PRKCE: variants seen among roughly 807,000 people sequenced by gnomAD.
PRKCE encodes the protein protein kinase C epsilon type.
In PRKCE, 16 loss-of-function variants were observed where a neutral mutation model predicts 85.4. The observed-to-expected ratio is 0.19, with a 90% CI of 0.13 to 0.28. The LOEUF (loss-of-function observed/expected upper bound fraction) is 0.28. Ranked by LOEUF, PRKCE falls within the 10% of genes least tolerant of loss-of-function variation. PRKCE has a pLI of 1.00. For missense variants in PRKCE, 573 were observed against 975.2 expected, an observed-to-expected ratio of 0.59 and a Z score of 5.49; for synonymous variants, 388 against 371.5, an observed-to-expected ratio of 1.04 and a Z score of -0.51.
intron 6 of PRKCE, among the ~76,000 whole-genome samples, chr2:45,988,459 A>C (rs1175061497): frequency 6.6e-6 from 1 of 152,126 alleles, no homozygotes; most frequent in Non-Finnish European, 1.5e-5. Flanking sequence ...TGACAAGGAA[A>C]TGGAAATCTG....
intron 1 of PRKCE, among the ~76,000 whole-genome samples, chr2:45,815,660 C>G (rs1688985337): frequency 6.6e-6 from 1 of 152,198 alleles, no homozygotes; most frequent in Non-Finnish European, 1.5e-5. Flanking sequence ...AGACTCCATG[C>G]AGGGAGATGT....
chr2:45,872,772 T>G (rs1694191785), intron 2 of PRKCE, among the ~76,000 whole-genome samples: 1 of 152,162 alleles, frequency 6.6e-6, no homozygotes, highest in Non-Finnish European at 1.5e-5. Flanking sequence ...CTCAAGGGGC[T>G]GGGGCCATTT....
chr2:46,067,888 G>A (rs971948958), intron 10 of PRKCE, among the ~76,000 whole-genome samples: 8 of 152,088 alleles, frequency 5.3e-5, no homozygotes, highest in South Asian at 2.1e-4. Flanking sequence ...CTGGAATGCC[G>A]GTATTCCAGG....
intron 2 of PRKCE, among the ~76,000 whole-genome samples, chr2:45,924,038 G>C (rs1573896500): frequency 6.6e-6 from 1 of 152,118 alleles, no homozygotes; most frequent in East Asian, 1.9e-4. Flanking sequence ...GATATTGAGA[G>C]GTGGAGAGGA....
chr2:45,719,116 G>T (rs1435789116), intron 1 of PRKCE, among the ~76,000 whole-genome samples: 1 of 152,240 alleles, frequency 6.6e-6, no homozygotes, highest in African/African-American at 2.4e-5. Flanking sequence ...AAGGCTCGAG[G>T]CATCTATCCT....
At chr2:46,181,229 T>C (rs1006693438) in intron 14 of PRKCE, among the ~76,000 whole-genome samples, 2 of 152,196 alleles carry the variant, frequency 1.3e-5, no homozygotes, top group Non-Finnish European at 2.9e-5. Flanking sequence ...ATACCATTAA[T>C]AGGGGATGGG....
intron 1 of PRKCE, among the ~76,000 whole-genome samples, chr2:45,689,721 C>T (rs1677578167): frequency 6.6e-6 from 1 of 151,800 alleles, no homozygotes; most frequent in Admixed American, 6.6e-5. Flanking sequence ...CATGGTAAAA[C>T]CCTGTCTCTA....
In PRKCE at chr2:46,123,607, A is replaced by G. The variant is rs377073774; in HGVS notation, c.1593-21486A>G. On this transcript the variant is annotated intron_variant, in intron 11 of 14. Transcript: ENST00000306156. The stretch of plus-strand genomic sequence containing the variant: ...AGGTTCAAGCAATTCTCATGCCCCA[A>G]CCTCCCAGGTAACTGGAACTACAGG... Among the ~76,000 whole-genome samples, 5 of 152,142 alleles carry G rather than the reference A, an allele frequency of 3.3e-5. 1 individual carries two copies. Among genetic ancestry groups the G allele is most frequent in the African/African-American group, 1.2e-4 (5 of 41,520 alleles).
chr2:45,843,206 A>G, intron 2 of PRKCE, 143 bp downstream of exon 2: 1 of 775,014 alleles, frequency 1.3e-6, no homozygotes, highest in Non-Finnish European at 2.1e-6. Flanking sequence ...TATTTTGAAG[A>G]TGCTTACGCC....
At chr2:45,969,402 G>A (rs1701955464) in intron 2 of PRKCE, among the ~76,000 whole-genome samples, 1 of 152,196 alleles carries the variant, frequency 6.6e-6, no homozygotes, top group Admixed American at 6.5e-5. Flanking sequence ...TTGCCTCAGA[G>A]GTCACGGCAA....
intron 10 of PRKCE, among the ~76,000 whole-genome samples, chr2:46,035,605 T>C (rs1172983176): frequency 6.6e-6 from 1 of 152,244 alleles, no homozygotes; most frequent in Non-Finnish European, 1.5e-5. Context: ...TTGTTGTTCG[T>C]AAATGTCTGC....
chr2:45,921,215 G>A (rs1457735760), intron 2 of PRKCE, among the ~76,000 whole-genome samples: 1 of 152,184 alleles, frequency 6.6e-6, no homozygotes, highest in Non-Finnish European at 1.5e-5. Context: ...CAAGCCCCTC[G>A]TAGAATTCCT....
intron 2 of PRKCE, among the ~76,000 whole-genome samples, chr2:45,888,887 A>T (rs145997139): frequency 1.0e-3 from 154 of 152,018 alleles, no homozygotes; most frequent in African/African-American, 3.5e-3. Flanking sequence ...TCAAGTACAG[A>T]TGGTGCTCTG....
chr2:46,010,245 A>T, intron 9 of PRKCE, 99 bp from the exon 10 acceptor site: 1 of 1,325,504 alleles, frequency 7.5e-7, no homozygotes, highest in East Asian at 2.4e-5. Context: ...AAATTAAAGA[A>T]AAAACAGAAT....
At chr2:46,087,116 C>T (rs1438105687) in intron 11 of PRKCE, among the ~76,000 whole-genome samples, 1 of 151,422 alleles carries the variant, frequency 6.6e-6, no homozygotes, top group Non-Finnish European at 1.5e-5. Flanking sequence ...TTCACTTGGT[C>T]TTTGCTTCTT....
chr2:46,155,261 C>T lies in PRKCE; in HGVS notation c.1920+4032C>T, dbSNP rs1478313518. Among the ~76,000 whole-genome samples the T allele has an allele frequency of 6.6e-6, 1 of 152,186 alleles. No homozygotes were observed. The highest frequency in any genetic ancestry group is 6.5e-5 in the Admixed American group (1 of 15,280). On this transcript the variant is annotated intron_variant, in intron 13 of 14. Coordinates refer to ENST00000306156, the MANE Select transcript of PRKCE (RefSeq NM_005400.3). This position sits in a 1 kb window ranked among gnomAD's most constrained non-coding sequence, Gnocchi z 4.7. The stretch of plus-strand genomic sequence containing the variant: ...TTCAATTAAATGATTACAACTAGTT[C>T]AACTGAGAGCCAAGGAAAACTTTGA...
intron 14 of PRKCE, among the ~76,000 whole-genome samples, chr2:46,174,900 A>C (rs112038887): frequency 0.028 from 4,195 of 151,954 alleles, 167 homozygotes; most frequent in African/African-American, 0.093. Flanking sequence ...TATGTGGCCC[A>C]GGCTGGTCTC....
At chr2:46,043,443 T>C (rs1708334069) in intron 10 of PRKCE, among the ~76,000 whole-genome samples, 1 of 152,202 alleles carries the variant, frequency 6.6e-6, no homozygotes, top group Non-Finnish European at 1.5e-5. Context: ...GAAATACCCA[T>C]TGATATCTTT....
intron 1 of PRKCE, among the ~76,000 whole-genome samples, chr2:45,769,411 A>G (rs886837967): frequency 5.3e-5 from 8 of 151,988 alleles, no homozygotes; most frequent in Non-Finnish European, 7.4e-5. Context: ...GTGTATGTAC[A>G]TATCTGCATC....
Sources: allele counts gnomAD v4.1 joint callset (sites outside exome capture counted in the v4.1 genomes callset), GRCh38; gene constraint gnomAD v4.1.1; non-coding constraint Gnocchi (gnomAD v3.1); transcripts MANE v1.5; gene names NCBI Gene and HGNC (gene_info 2026-07-23, HGNC 2026-07-21).